CFAP52: variants seen among roughly 807,000 people sequenced by gnomAD.
CFAP52 encodes cilia and flagella associated protein 52, also known as cilia- and flagella-associated protein 52.
A neutral mutation model predicts 70.5 loss-of-function variants in CFAP52; 57 were observed. The observed-to-expected ratio is 0.81, with a 90% CI of 0.65 to 1.01. The LOEUF is 1.01. Ranked by LOEUF, CFAP52 falls within the 50% of genes least tolerant of loss-of-function variation. The probability of loss-of-function intolerance (pLI) is 0.00; values close to 1 mark genes in which losing one functional copy is unlikely to be tolerated. For synonymous variants in CFAP52, 267 were observed against 292.5 expected (o/e 0.91, Z 0.89); for missense variants, 785 against 788.5 (o/e 1.00, Z 0.05).
intron 6 of CFAP52, among the ~76,000 whole-genome samples, chr17:9,605,210 TA>T: frequency 6.6e-6 from 1 of 152,212 alleles, no homozygotes; most frequent in South Asian, 2.1e-4. Context: ...CTTCAGTAAG[TA>T]AAGGGATACG....
Position 9,598,268 on chromosome 17 carries a change from A to G in CFAP52, c.571A>G (p.Asn191Asp), listed in dbSNP as rs148792833. 1.2e-6 allele frequency: 2 copies of G among 1,613,364 alleles called. No homozygotes were observed. The highest frequency in any genetic ancestry group is 2.7e-5 in the African/African-American group (2 of 74,882). Reference sequence around the variant, plus strand: ...TCGAGTATGGGAATTGGATCTTCCAAATAGAAAAATCTGGCCAACTGAGTG... The same window carrying G: ...TCGAGTATGGGAATTGGATCTTCCAGATAGAAAAATCTGGCCAACTGAGTG... The part of the protein sequence containing the change: ...TIRVWELDLP[N>D]RKIWPTECQT... Residue 191 changes from asparagine (N) to aspartate (D), a missense_variant, in exon 5 of 14, where the codon AAT becomes GAT. Physicochemically the swap from Asn to Asp is conservative, Grantham distance 23 (BLOSUM62 1). Coordinates refer to ENST00000352665, the MANE Select transcript of CFAP52 (RefSeq NM_145054.5).
At chr17:9,641,348 C>A (rs1403821876) in intron 12 of CFAP52, among the ~76,000 whole-genome samples, 1 of 152,100 alleles carries the variant, frequency 6.6e-6, no homozygotes, top group Non-Finnish European at 1.5e-5. Context: ...GAGTGCTCAT[C>A]CCCCAGTGAG....
At chr17:9,641,974 C>T (rs2030179901) in intron 13 of CFAP52, 139 bp downstream of exon 13, 2 of 609,500 alleles carry the variant, frequency 3.3e-6, no homozygotes, top group Non-Finnish European at 5.7e-6. Flanking sequence ...CCAACCAATA[C>T]TGCAGCCAAT....
At chr17:9,599,699 TCA>T (rs1267744472) in intron 5 of CFAP52, among the ~76,000 whole-genome samples, 1 of 152,038 alleles carries the variant, frequency 6.6e-6, no homozygotes, top group Non-Finnish European at 1.5e-5. Flanking sequence ...GAACAGGTGT[TCA>T]TGGGCATCAT....
At chr17:9,628,962 C>A in intron 9 of CFAP52, 142 bp downstream of exon 9, 2 of 1,289,020 alleles carry the variant, frequency 1.6e-6, no homozygotes, top group South Asian at 1.5e-5. Context: ...CTAATCTAGC[C>A]TCTCTTTGGA....
chr17:9,622,306 G>A lies in CFAP52; in HGVS notation c.1026-6366G>A, dbSNP rs181071995. Among the ~76,000 whole-genome samples, 138 of 152,246 alleles carry A rather than the reference G, an allele frequency of 9.1e-4. 1 individual carries two copies. Among genetic ancestry groups the A allele is most frequent in the African/African-American group, 3.2e-3 (133 of 41,546 alleles). On this transcript the variant is annotated intron_variant, in intron 8 of 13. Coordinates refer to ENST00000352665, the MANE Select transcript of CFAP52 (RefSeq NM_145054.5). ...CTCTTGCCTGTAATCACAGCACTTT[G>A]GGAGACTGAGGTGGGAGGATAATTA...
chr17:9,598,436 G>A, intron 5 of CFAP52, 103 bp downstream of exon 5: 2 of 912,834 alleles, frequency 2.2e-6, no homozygotes, highest in Non-Finnish European at 1.7e-6. Context: ...GGATAGGAAA[G>A]TGGGGTATAG....
At position 9,635,445 on chromosome 17, in the gene CFAP52, A is replaced by G. The variant is rs756316028; in HGVS notation, c.1361A>G (p.Glu454Gly). The G allele has an allele frequency of 1.9e-6, 3 of 1,614,060 alleles. No individual in the cohort carries two copies. The highest frequency in any genetic ancestry group is 2.5e-6 in the Non-Finnish European group (3 of 1,180,054). Residue 454 changes from glutamate (E) to glycine (G), a missense_variant, in exon 11 of 14, where the codon GAG becomes GGG. Physicochemically the swap from Glu to Gly is moderately conservative, Grantham distance 98. Transcript: ENST00000352665. ...WQIGCQTQKLEEALKEHKSSV... is the reference protein window; with the variant it reads ...WQIGCQTQKLGEALKEHKSSV... ...ATAGGCTGTCAGACCCAGAAGCTGG[A>G]GGAGGCCCTGAAGGAACACAAGTCA...
rs1908341634 is a variant in CFAP52, at chr17:9,584,124, C to A, written c.71-1649C>A. The A allele has an allele frequency of 1.6e-5, 18 of 1,119,302 alleles. No individual in the cohort carries two copies. The South Asian group carries it at 2.8e-4, about 18-fold the overall frequency. 69.3% of individuals were successfully genotyped at this position (1,119,302 alleles called of 1,614,324 possible). On this transcript the variant is annotated intron_variant, in intron 1 of 13. Coordinates refer to ENST00000352665, the MANE Select transcript of CFAP52 (RefSeq NM_145054.5). ...TGCCATCTGCCCTGTTCTTACCAGGCTGGTCAGCCCATTCCCAGAGTTGTT... is the reference window on the plus strand; with the variant it reads ...TGCCATCTGCCCTGTTCTTACCAGGATGGTCAGCCCATTCCCAGAGTTGTT...
In CFAP52 at chr17:9,628,781, G is replaced by A. The variant is rs764947992; in HGVS notation, c.1135G>A (p.Gly379Ser). Residue 379 changes from glycine (G) to serine (S), a missense_variant, in exon 9 of 14, where the codon GGC (glycine) becomes AGC (serine). Coordinates refer to ENST00000352665, the MANE Select transcript of CFAP52 (RefSeq NM_145054.5). ...CACCGTGCCCAACATGACCTGCCAC[G>A]GCATCGACTTCATGAGGGACGGCAA... Reference protein sequence around the residue: ...RITVPNMTCHGIDFMRDGKSI... With the variant: ...RITVPNMTCHSIDFMRDGKSI... 1.4e-5 allele frequency: 22 copies of A among 1,613,976 alleles called. No individual in the cohort carries two copies. Among genetic ancestry groups the A allele is most frequent in the Middle Eastern group, 1.6e-4 (1 of 6,084 alleles).
At position 9,612,199 on chromosome 17, in the gene CFAP52, G is replaced by T. The variant is rs968241986; in HGVS notation, c.855-110G>T. ...TTTTCAACTGTGTCACTTCTGTGAG[G>T]GCGTGTCTGAAATTATATGCCTGAT... On this transcript the variant is annotated intron_variant, in intron 7 of 13. Transcript: ENST00000352665. 1.2e-5 allele frequency: 17 copies of T among 1,360,156 alleles called. No individual in the cohort carries two copies. The African/African-American group carries it at 2.3e-4, about 18-fold the overall frequency. 84.3% of individuals were successfully genotyped at this position (1,360,156 alleles called of 1,614,324 possible). A position where few individuals can be genotyped will look rare whatever the true frequency, so the allele number is the denominator to read the frequency against.
chr17:9,609,064 C>T (rs1046723055), intron 7 of CFAP52, among the ~76,000 whole-genome samples: 3 of 152,080 alleles, frequency 2.0e-5, no homozygotes, highest in Non-Finnish European at 2.9e-5. Flanking sequence ...ACCAGATACC[C>T]CACACATGTG....
chr17:9,624,912 G>A (rs1207607977), intron 8 of CFAP52, among the ~76,000 whole-genome samples: 3 of 152,062 alleles, frequency 2.0e-5, no homozygotes, highest in African/African-American at 7.2e-5. Context: ...GGGTTCTTCT[G>A]TGTGCTTGCA....
chr17:9,612,715 T>G lies in CFAP52; in HGVS notation c.1025+236T>G, dbSNP rs1487306154. On this transcript the variant is annotated intron_variant, in intron 8 of 13. Transcript: ENST00000352665. ...ATTGACTTTTCTAATAAACCCCTCA[T>G]GGAAAGGGTAAGTACCTGACAAAAC... 3.9e-5 allele frequency among the ~76,000 whole-genome samples: 6 copies of G among 152,224 alleles called. No homozygotes were observed. The South Asian group carries it at 8.3e-4, about 21-fold the overall frequency.
intron 1 of CFAP52, among the ~76,000 whole-genome samples, chr17:9,582,252 C>T (rs906193611): frequency 6.6e-6 from 1 of 152,130 alleles, no homozygotes; most frequent in Non-Finnish European, 1.5e-5. Flanking sequence ...ACGATTAGAC[C>T]GATTTACTCT....
chr17:9,586,712 G>C lies in CFAP52; in HGVS notation c.285G>C (p.Leu95Phe). Residue 95 changes from leucine (L) to phenylalanine (F), a missense_variant, in exon 3 of 14, where the codon TTG (leucine) becomes TTC (phenylalanine). Transcript: ENST00000352665. ...TFMGFKADII[L>F]WDYKNRELLA... is the part of the protein sequence containing the mutation. Reference sequence around the variant, plus strand: ...CTTGCCCCCAGGCAGACATCATTTTGTGGGATTATAAGAACAGAGAGCTGC... The same window carrying C: ...CTTGCCCCCAGGCAGACATCATTTTCTGGGATTATAAGAACAGAGAGCTGC... 1 of 1,611,538 alleles carries C rather than the reference G, an allele frequency of 6.2e-7. No individual in the cohort carries two copies. The highest frequency in any genetic ancestry group is 8.5e-7 in the Non-Finnish European group (1 of 1,179,312).
At chr17:9,612,599 C>A in intron 8 of CFAP52, 120 bp downstream of exon 8, 1 of 1,163,200 alleles carries the variant, frequency 8.6e-7, no homozygotes, top group Non-Finnish European at 1.2e-6. Flanking sequence ...TTAAATTTTT[C>A]TAACGTGGTG....
intron 4 of CFAP52, among the ~76,000 whole-genome samples, chr17:9,596,059 G>GTGTGTGTGTGTATATATA (rs1555541607): frequency 1.2e-5 from 1 of 85,206 alleles, no homozygotes; most frequent in Non-Finnish European, 2.3e-5. Context: ...ATATGTGTGT[G>GTGTGTGTGTGTATATATA]TATATATATA....
intron 12 of CFAP52, among the ~76,000 whole-genome samples, chr17:9,639,995 G>A (rs79130013): frequency 0.013 from 2,037 of 152,190 alleles, 52 homozygotes; most frequent in African/African-American, 0.046. Context: ...CTCTTTAGGC[G>A]TTTACTATGA....
Sources: gnomAD v4.1 joint callset for allele counts (sites outside exome capture counted in the v4.1 genomes callset) on GRCh38, gnomAD v4.1.1 for gene constraint, MANE v1.5 for transcripts, NCBI Gene and HGNC (gene_info 2026-07-23, HGNC 2026-07-21) for gene names.